Variants in EXOC6B observed in about 807,000 individuals in gnomAD.
The protein encoded by EXOC6B is SEC15 homolog B.
EXOC6B carries 54 observed loss-of-function variants against 113.5 expected under a neutral mutation model. That is an observed-to-expected ratio of 0.48 (90% CI 0.38 to 0.60). EXOC6B has a LOEUF of 0.60. Among genes scored for constraint, EXOC6B ranks in the 20% least tolerant of loss-of-function variants. The probability of loss-of-function intolerance (pLI) is 0.00; values close to 1 mark genes in which losing one functional copy is unlikely to be tolerated. For synonymous variants in EXOC6B, 357 were observed against 339.0 expected, an observed-to-expected ratio of 1.05 and a Z score of -0.58; for missense variants, 797 against 977.5, an observed-to-expected ratio of 0.82 and a Z score of 2.46.
intron 13 of EXOC6B, among the ~76,000 whole-genome samples, chr2:72,496,856 T>A (rs1354474166): frequency 6.6e-6 from 1 of 151,662 alleles, no homozygotes; most frequent in African/African-American, 2.4e-5. Context: ...ACAGAACATT[T>A]CAATGTAAGT....
intron 8 of EXOC6B, among the ~76,000 whole-genome samples, chr2:72,533,833 G>T (rs1236183258): frequency 6.6e-6 from 1 of 152,010 alleles, no homozygotes; most frequent in African/African-American, 2.4e-5. Context: ...TTTAGAAAAA[G>T]TCTTTGTCTT....
At chr2:72,699,511 A>G (rs1222774297) in intron 6 of EXOC6B, among the ~76,000 whole-genome samples, 1 of 151,974 alleles carries the variant, frequency 6.6e-6, no homozygotes, top group African/African-American at 2.4e-5. Flanking sequence ...AAGTCAAACA[A>G]TACATGCCCC....
intron 20 of EXOC6B, among the ~76,000 whole-genome samples, chr2:72,314,030 A>G (rs1421944876): frequency 6.6e-6 from 1 of 152,180 alleles, no homozygotes; most frequent in South Asian, 2.1e-4. Flanking sequence ...TGAGGAAAGT[A>G]ACAGAAGATG....
Position 72,682,862 on chromosome 2 carries a change from T to C in EXOC6B, c.669+35241A>G, listed in dbSNP as rs552685589. ...CGTGGGGTTTCAGGTAAACACTGGA[T>C]GAGATATATCCACTATAATTATTAT... On this transcript the variant is annotated intron_variant, in intron 6 of 21. Transcript: ENST00000272427. 4.1e-4 allele frequency among the ~76,000 whole-genome samples: 63 copies of C among 152,294 alleles called. 1 individual carries two copies. Among genetic ancestry groups the C allele is most frequent in the Non-Finnish European group, 8.2e-4 (56 of 68,004 alleles).
Position 72,823,459 on chromosome 2 carries a change from GA to G in EXOC6B, c.113+2338del, listed in dbSNP as rs1237385156. On this transcript the variant is annotated intron_variant, in intron 1 of 21. Transcript: ENST00000272427. ...CCAACTTCTCAAATCAAAGTTTTAA[GA>G]AAAAAAAAAAAAAAAAAACAAAAAA... Among the ~76,000 whole-genome samples, 372 of 70,030 alleles carry G rather than the reference GA, an allele frequency of 5.3e-3. 6 individuals carry two copies. Among genetic ancestry groups the G allele is most frequent in the African/African-American group, 0.028 (348 of 12,282 alleles). The allele number at this position is 70,030 out of a possible 152,430, so 45.9% of individuals were successfully genotyped here.
At chr2:72,760,148 C>T (rs1573751312) in intron 1 of EXOC6B, among the ~76,000 whole-genome samples, 1 of 152,156 alleles carries the variant, frequency 6.6e-6, no homozygotes, top group African/African-American at 2.4e-5. Context: ...CTCTCATATG[C>T]TCCTTCTCTT....
At chr2:72,359,369 G>A (rs1408665712) in intron 19 of EXOC6B, among the ~76,000 whole-genome samples, 1 of 152,076 alleles carries the variant, frequency 6.6e-6, no homozygotes, top group Non-Finnish European at 1.5e-5. Context: ...TCTACCTTGT[G>A]AGATCACAGC....
chr2:72,758,074 G>A (rs1682535885), intron 1 of EXOC6B, among the ~76,000 whole-genome samples: 1 of 149,950 alleles, frequency 6.7e-6, no homozygotes, highest in African/African-American at 2.4e-5. Context: ...GAGGAGGGAG[G>A]ATCACTTGAA....
intron 18 of EXOC6B, chr2:72,463,917 A>T (rs1697869939): frequency 6.6e-6 from 1 of 152,186 alleles, no homozygotes; most frequent in Non-Finnish European, 1.5e-5. Context: ...CCTATTTCCT[A>T]GTGCGAAATA....
chr2:72,779,908 A>G (rs1683925987), intron 1 of EXOC6B, among the ~76,000 whole-genome samples: 1 of 152,182 alleles, frequency 6.6e-6, no homozygotes. Flanking sequence ...ACGGAGGGAG[A>G]GAAGACACAG....
chr2:72,566,761 T>C (rs1232189029), intron 7 of EXOC6B, among the ~76,000 whole-genome samples: 1 of 152,080 alleles, frequency 6.6e-6, no homozygotes. Context: ...TAAGAAAACA[T>C]TGGAAATCAT....
At chr2:72,817,954 C>A (rs999895838) in intron 1 of EXOC6B, among the ~76,000 whole-genome samples, 1 of 152,008 alleles carries the variant, frequency 6.6e-6, no homozygotes, top group African/African-American at 2.4e-5. Flanking sequence ...CCAGAACATT[C>A]CTTGTTTGTT....
In EXOC6B at chr2:72,618,490, T is replaced by G. The variant is rs1367589270; in HGVS notation, c.670-42822A>C. On this transcript the variant is annotated intron_variant, in intron 6 of 21. Transcript: ENST00000272427. ...AAATAAGACCCACCTATACCCTTCT[T>G]CAATGACTCCTTTTTTCATATAGCA... Among the ~76,000 whole-genome samples the G allele has an allele frequency of 2.0e-5, 3 of 152,210 alleles. No homozygotes were observed. In the East Asian group the frequency reaches 5.8e-4, roughly 29 times the overall value.
At chr2:72,393,268 AT>A (rs1221893559) in intron 18 of EXOC6B, among the ~76,000 whole-genome samples, 1 of 151,476 alleles carries the variant, frequency 6.6e-6, no homozygotes, top group Non-Finnish European at 1.5e-5. Context: ...TAATTTTTGT[AT>A]TTTTTTAGTA....
intron 9 of EXOC6B, 106 bp downstream of exon 9, chr2:72,514,936 AG>A: frequency 9.5e-7 from 1 of 1,053,278 alleles, no homozygotes; most frequent in Non-Finnish European, 1.4e-6. Context: ...TCAGAATGAC[AG>A]TAAACACACA....
chr2:72,419,952 C>T (rs914927494), intron 18 of EXOC6B, among the ~76,000 whole-genome samples: 2 of 152,014 alleles, frequency 1.3e-5, no homozygotes, highest in Non-Finnish European at 2.9e-5. Context: ...TGAAGGTGTC[C>T]CATAGGTCCC....
At chr2:72,252,201 A>G (rs915816987) in intron 20 of EXOC6B, among the ~76,000 whole-genome samples, 10 of 152,290 alleles carry the variant, frequency 6.6e-5, no homozygotes, top group African/African-American at 2.4e-4. Context: ...GGTTACAGCA[A>G]CTTTTGGAAA....
chr2:72,689,149 C>A (rs1677303180), intron 6 of EXOC6B, among the ~76,000 whole-genome samples: 1 of 152,162 alleles, frequency 6.6e-6, no homozygotes, highest in Admixed American at 6.5e-5. Flanking sequence ...AGCAACTGAG[C>A]AGAAATGTAC....
intron 20 of EXOC6B, among the ~76,000 whole-genome samples, chr2:72,201,339 G>A (rs1322601727): frequency 2.0e-5 from 3 of 152,128 alleles, no homozygotes; most frequent in Non-Finnish European, 4.4e-5. Flanking sequence ...ATAGAAGAAT[G>A]GGGTGTTGCT....
Sources: gnomAD v4.1 joint callset for allele counts (sites outside exome capture counted in the v4.1 genomes callset) on GRCh38, gnomAD v4.1.1 for gene constraint, MANE v1.5 for transcripts, NCBI Gene and HGNC (gene_info 2026-07-23, HGNC 2026-07-21) for gene names.